TOGARAM1: variants seen among roughly 807,000 people sequenced by gnomAD.
TOGARAM1 encodes the protein TOG array regulator of axonemal microtubules 1.
TOGARAM1 carries 100 observed loss-of-function variants against 166.6 expected under a neutral mutation model. The ratio of observed to expected loss-of-function variants is 0.60; its 90% CI spans 0.51 to 0.71. TOGARAM1 has a LOEUF of 0.71. Ranked by LOEUF, TOGARAM1 falls within the 30% of genes least tolerant of loss-of-function variation. The pLI, the probability that TOGARAM1 is intolerant of heterozygous loss-of-function variation, is 0.00. For synonymous variants in TOGARAM1, 758 were observed against 763.8 expected (o/e 0.99, Z 0.13); for missense variants, 2,029 against 2,102.7 (o/e 0.96, Z 0.69).
intron 19 of TOGARAM1, among the ~76,000 whole-genome samples, chr14:45,072,225 C>CGTCCT (rs1883417650): frequency 1.3e-5 from 2 of 152,180 alleles, no homozygotes. Flanking sequence ...GCATAGAGGA[C>CGTCCT]ATGCAGTGGG....
intron 1 of TOGARAM1, among the ~76,000 whole-genome samples, chr14:44,980,153 C>T (rs2138753679): frequency 6.6e-6 from 1 of 152,190 alleles, no homozygotes; most frequent in East Asian, 1.9e-4. Context: ...ACAGGTCTGG[C>T]TCCTGGCCTG....
chr14:44,967,933 T>A (rs907462456), intron 1 of TOGARAM1, among the ~76,000 whole-genome samples: 1 of 152,186 alleles, frequency 6.6e-6, no homozygotes, highest in African/African-American at 2.4e-5. Flanking sequence ...TGATTTTTTT[T>A]AAGGCATTAC....
At chr14:44,970,429 A>G (rs945021307) in intron 1 of TOGARAM1, among the ~76,000 whole-genome samples, 1 of 152,154 alleles carries the variant, frequency 6.6e-6, no homozygotes, top group African/African-American at 2.4e-5. Context: ...TATTATTCGC[A>G]GGAGGATTTT....
At chr14:45,003,413 AT>A (rs1482864792) in intron 3 of TOGARAM1, among the ~76,000 whole-genome samples, 1 of 152,186 alleles carries the variant, frequency 6.6e-6, no homozygotes, top group African/African-American at 2.4e-5. Context: ...AAAGAAAAAA[AT>A]AATAAATAGT....
intron 16 of TOGARAM1, among the ~76,000 whole-genome samples, chr14:45,057,240 C>T (rs1158907992): frequency 1.3e-5 from 2 of 152,042 alleles, no homozygotes; most frequent in South Asian, 2.1e-4. Flanking sequence ...AGCTAGGTAG[C>T]GATTTATTAA....
At chr14:44,973,641 A>G (rs1886023694) in intron 1 of TOGARAM1, among the ~76,000 whole-genome samples, 1 of 151,428 alleles carries the variant, frequency 6.6e-6, no homozygotes, top group African/African-American at 2.4e-5. Context: ...TTTGACCTAT[A>G]TAATTTTCCT....
At position 45,006,017 on chromosome 14, in the gene TOGARAM1, C is replaced by A; in HGVS notation, c.2654C>A (p.Ser885Tyr). The change falls in exon 5 of 20, where the codon TCT becomes TAT. Residue 885 changes from serine to tyrosine, a missense_variant. This residue lies in a region of TOGARAM1 where 1,453 missense variants were observed against 1,432.2 expected (regional missense o/e 1.01). Coordinates refer to ENST00000361462, the MANE Select transcript of TOGARAM1 (RefSeq NM_001308120.2). ...DPTGRNHGEN[S>Y]QEKPPVQLTP... The stretch of plus-strand genomic sequence containing the variant: ...TCTATTTTTCATGCAGGAGAAAATT[C>A]TCAAGAAAAACCTCCAGTTCAGCTT... 1 of 1,541,750 alleles carries A rather than the reference C, an allele frequency of 6.5e-7. No homozygotes were observed. The highest frequency in any genetic ancestry group is 1.3e-5 in the South Asian group (1 of 79,648).
chr14:44,975,044 CAA>C (rs1187955848), intron 1 of TOGARAM1, among the ~76,000 whole-genome samples: 6 of 152,118 alleles, frequency 3.9e-5, no homozygotes, highest in African/African-American at 1.4e-4. Flanking sequence ...AGCATTTTAA[CAA>C]AGAGATTCTT....
intron 3 of TOGARAM1, among the ~76,000 whole-genome samples, chr14:45,002,075 T>C (rs927078081): frequency 4.6e-5 from 7 of 152,172 alleles, no homozygotes; most frequent in African/African-American, 1.4e-4. Flanking sequence ...GATTTGAAAT[T>C]AGTAGAGAAG....
chr14:44,962,460 C>T lies in TOGARAM1; in HGVS notation c.39C>T (p.Pro13=), dbSNP rs199813894. 3.5e-5 allele frequency: 56 copies of T among 1,588,768 alleles called. No individual in the cohort carries two copies. The East Asian group carries it at 1.2e-3, about 34-fold the overall frequency. ...CCTCCGCGCTGCTTCTGCTGCCGCC[C>T]TTTCCAGTCCTCTCTACCTATCGGC... The part of the protein sequence containing the change: ...AAPSALLLLP[P]FPVLSTYRLQ... The change falls in exon 1 of 20, where the codon CCC becomes CCT. Residue 13 remains proline (P), a synonymous_variant. Coordinates refer to ENST00000361462, the MANE Select transcript of TOGARAM1 (RefSeq NM_001308120.2).
intron 7 of TOGARAM1, among the ~76,000 whole-genome samples, chr14:45,012,478 ATAG>A (rs1213972671): frequency 6.6e-6 from 1 of 152,258 alleles, no homozygotes; most frequent in East Asian, 1.9e-4. Flanking sequence ...TTAACTGTTA[ATAG>A]TAGTTAAATT....
chr14:44,969,137 C>T (rs1162724607), intron 1 of TOGARAM1, among the ~76,000 whole-genome samples: 10 of 139,556 alleles, frequency 7.2e-5, no homozygotes, highest in South Asian at 4.5e-4. Flanking sequence ...TTCCTTCCTT[C>T]CTTCCTTCCT....
chr14:45,027,619 G>A (rs1233493225), intron 9 of TOGARAM1, 145 bp downstream of exon 9: 5 of 601,352 alleles, frequency 8.3e-6, no homozygotes, highest in African/African-American at 7.8e-5. Flanking sequence ...TTGGCAATGT[G>A]GCAAAGCCCT....
At chr14:45,038,961 T>C (rs945846325) in intron 11 of TOGARAM1, among the ~76,000 whole-genome samples, 3 of 152,162 alleles carry the variant, frequency 2.0e-5, no homozygotes, top group Non-Finnish European at 4.4e-5. Context: ...CTGACATCTG[T>C]GCAACCCTCA....
intron 3 of TOGARAM1, 72 bp from the exon 4 acceptor site, chr14:45,003,982 GAAAAGCA>G: frequency 2.4e-6 from 3 of 1,240,038 alleles, no homozygotes; most frequent in Middle Eastern, 4.6e-4. Context: ...ACCTGAATGG[GAAAAGCA>G]AAAAGCAAAA....
At chr14:45,059,248 G>T (rs2138988301) in intron 16 of TOGARAM1, among the ~76,000 whole-genome samples, 1 of 152,140 alleles carries the variant, frequency 6.6e-6, no homozygotes, top group African/African-American at 2.4e-5. Context: ...CTAATATGTT[G>T]CCCAGGATGG....
chr14:44,999,549 G>A, intron 3 of TOGARAM1, 52 bp downstream of exon 3: 13 of 1,432,658 alleles, frequency 9.1e-6, no homozygotes, highest in South Asian at 3.1e-5. Context: ...TATTATGTGG[G>A]GATTCCAACA....
chr14:45,061,649 T>C (rs186842281), intron 16 of TOGARAM1, among the ~76,000 whole-genome samples: 52 of 152,272 alleles, frequency 3.4e-4, no homozygotes, highest in Admixed American at 5.9e-4. Flanking sequence ...TATTTTTTGT[T>C]TATTTTGTTA....
In TOGARAM1 at chr14:44,964,018, G is replaced by A. The variant is rs1803454198; in HGVS notation, c.1597G>A (p.Ala533Thr). The change falls in exon 1 of 20, where the codon GCT becomes ACT. Residue 533 changes from alanine (A) to threonine (T), a missense_variant. Physicochemically the swap from Ala to Thr is moderately conservative, Grantham distance 58. Coordinates refer to ENST00000361462, the MANE Select transcript of TOGARAM1 (RefSeq NM_001308120.2). ...CAGGGTACGCCAAGCAGCTTTAGAA[G>A]CTTTTGCCGTATTGGCATCATCAAT... ...KRRVRQAALEAFAVLASSMGS... is the reference protein window; with the variant it reads ...KRRVRQAALETFAVLASSMGS... The A allele has an allele frequency of 1.2e-6, 2 of 1,614,162 alleles. No individual in the cohort carries two copies. Among genetic ancestry groups the A allele is most frequent in the African/African-American group, 1.3e-5 (1 of 75,042 alleles).
Sources: gnomAD v4.1 joint callset for allele counts (sites outside exome capture counted in the v4.1 genomes callset) on GRCh38, gnomAD v4.1.1 for gene constraint, gnomAD v4.1.1 regional missense constraint, MANE v1.5 for transcripts, NCBI Gene and HGNC (gene_info 2026-07-23, HGNC 2026-07-21) for gene names.